Variants in MAP3K13 observed in about 807,000 individuals in gnomAD.
MAP3K13 encodes leucine zipper-bearing kinase.
MAP3K13 carries 52 observed loss-of-function variants against 104.0 expected under a neutral mutation model. The ratio of observed to expected loss-of-function variants is 0.50; its 90% CI spans 0.40 to 0.63. The LOEUF (loss-of-function observed/expected upper bound fraction) is 0.63, where lower values mean the gene tolerates loss of function less well. Ranked by LOEUF, MAP3K13 falls within the 20% of genes least tolerant of loss-of-function variation. MAP3K13 has a pLI of 0.00. For missense variants in MAP3K13, 914 were observed against 1,218.5 expected (o/e 0.75, Z 3.72); for synonymous variants, 394 against 442.2 (o/e 0.89, Z 1.37).
At chr3:185,340,736 G>A (rs928737182) in intron 2 of MAP3K13, among the ~76,000 whole-genome samples, 1 of 152,070 alleles carries the variant, frequency 6.6e-6, no homozygotes, top group Admixed American at 6.6e-5. Context: ...GTGATAGTGA[G>A]TAAGTCTCAC....
chr3:185,467,047 G>T (rs1717482491), intron 10 of MAP3K13, 84 bp downstream of exon 10: 6 of 1,511,286 alleles, frequency 4.0e-6, no homozygotes, highest in Non-Finnish European at 5.5e-6. Flanking sequence ...GGCGGATGTG[G>T]CCTCTTCTTT....
chr3:185,427,275 A>T (rs1714480426), intron 1 of MAP3K13, among the ~76,000 whole-genome samples: 1 of 151,706 alleles, frequency 6.6e-6, no homozygotes, highest in Non-Finnish European at 1.5e-5. Context: ...GTGGCAGGAG[A>T]ATTGCTTGAA....
chr3:185,349,452 C>T (rs1206644136), intron 2 of MAP3K13, among the ~76,000 whole-genome samples: 1 of 151,970 alleles, frequency 6.6e-6, no homozygotes, highest in African/African-American at 2.4e-5. Flanking sequence ...TGACTTCATT[C>T]TTTTTATGGG....
chr3:185,455,363 G>T lies in MAP3K13; in HGVS notation c.1278+3968G>T, dbSNP rs1295348083. Among the ~76,000 whole-genome samples the T allele has an allele frequency of 4.0e-4, 21 of 51,856 alleles. 2 individuals are homozygous for T. Among genetic ancestry groups the T allele is most frequent in the African/African-American group, 1.4e-3 (20 of 14,672 alleles). The allele number at this position is 51,856 out of a possible 152,430, so 34.0% of individuals were successfully genotyped here. ...TGAGATATATATGATATATATATGA[G>T]ATATATATGATATATATGATATATA... On this transcript the variant is annotated intron_variant, in intron 7 of 13. Coordinates refer to ENST00000265026, the MANE Select transcript of MAP3K13 (RefSeq NM_004721.5).
chr3:185,304,880 C>T (rs1438927279), intron 2 of MAP3K13, among the ~76,000 whole-genome samples: 1 of 152,156 alleles, frequency 6.6e-6, no homozygotes, highest in Non-Finnish European at 1.5e-5. Context: ...GATCCGCCCC[C>T]TTCGGCCTCC....
chr3:185,371,143 G>T (rs1416906061), intron 1 of MAP3K13, among the ~76,000 whole-genome samples: 1 of 151,538 alleles, frequency 6.6e-6, no homozygotes, highest in East Asian at 1.9e-4. Context: ...TTTTAAATTT[G>T]TAGATTTTGT....
At chr3:185,460,302 C>G (rs941868929) in intron 7 of MAP3K13, among the ~76,000 whole-genome samples, 2 of 152,136 alleles carry the variant, frequency 1.3e-5, no homozygotes, top group Admixed American at 6.6e-5. Flanking sequence ...TCTGTCTTTA[C>G]TTTTTATTTT....
intron 8 of MAP3K13, among the ~76,000 whole-genome samples, chr3:185,464,537 C>T (rs926297074): frequency 6.6e-6 from 1 of 152,120 alleles, no homozygotes; most frequent in East Asian, 1.9e-4. Flanking sequence ...TCCATCCTGC[C>T]GCCCTGTGAA....
chr3:185,395,243 C>A (rs1055251809), intron 1 of MAP3K13, among the ~76,000 whole-genome samples: 5 of 151,832 alleles, frequency 3.3e-5, no homozygotes, highest in Non-Finnish European at 7.4e-5. Flanking sequence ...ACCAAACTAC[C>A]ATTGCATGCT....
chr3:185,371,114 G>A (rs890819199), intron 1 of MAP3K13, among the ~76,000 whole-genome samples: 2 of 151,674 alleles, frequency 1.3e-5, no homozygotes, highest in Admixed American at 6.6e-5. Context: ...CCAATAACAA[G>A]TTGGTCGATA....
intron 1 of MAP3K13, among the ~76,000 whole-genome samples, chr3:185,393,152 G>A (rs1712169428): frequency 6.7e-6 from 1 of 149,962 alleles, no homozygotes; most frequent in African/African-American, 2.5e-5. Context: ...AAATGTAAGA[G>A]ATATTCAGAA....
intron 7 of MAP3K13, among the ~76,000 whole-genome samples, chr3:185,460,531 A>G (rs574427565): frequency 5.6e-4 from 86 of 152,290 alleles, no homozygotes; most frequent in African/African-American, 1.9e-3. Context: ...CTTCCTCGAT[A>G]GCTGTGCAAA....
rs542131643 is a variant in MAP3K13, at chr3:185,346,923, G to A, written c.-86+61280G>A. On this transcript the variant is annotated intron_variant, in intron 2 of 14. Transcript: ENST00000424227. ...CTTGATAATTTTTGAACTCACATTT[G>A]TTCAAATTAGTAAAAGTGCATTTTG... Among the ~76,000 whole-genome samples, 23 of 148,414 alleles carry A rather than the reference G, an allele frequency of 1.5e-4. No homozygotes were observed. In the South Asian group the frequency reaches 3.9e-3, roughly 25 times the overall value.
chr3:185,420,118 T>C lies in MAP3K13; in HGVS notation c.-85-8379T>C, dbSNP rs1232517376. On this transcript the variant is annotated intron_variant, in intron 1 of 13. Coordinates refer to ENST00000265026, the MANE Select transcript of MAP3K13 (RefSeq NM_004721.5). ...ATATAGGTACATGGTAAACATGGAA[T>C]CAATATTTTTGAATGCATAATTGTT... Among the ~76,000 whole-genome samples the C allele has an allele frequency of 6.6e-5, 10 of 152,340 alleles. No homozygotes were observed. The East Asian group carries it at 1.9e-3, about 29-fold the overall frequency.
intron 1 of MAP3K13, among the ~76,000 whole-genome samples, chr3:185,373,317 T>C (rs1724248030): frequency 6.6e-6 from 1 of 152,224 alleles, no homozygotes; most frequent in Admixed American, 6.5e-5. Context: ...TTCTCCTATT[T>C]TTGTATGTAA....
chr3:185,472,927 T>G (rs1717888610), intron 10 of MAP3K13, 48 bp from the exon 11 acceptor site: 1 of 1,542,986 alleles, frequency 6.5e-7, no homozygotes, highest in Admixed American at 1.8e-5. Flanking sequence ...TCCCCAAACT[T>G]GAATGTGTTT....
chr3:185,284,230 G>A (rs1179995054), intron 1 of MAP3K13, among the ~76,000 whole-genome samples: 1 of 151,952 alleles, frequency 6.6e-6, no homozygotes. Flanking sequence ...CTAAAAATAT[G>A]TTATAATTGA....
intron 3 of MAP3K13, among the ~76,000 whole-genome samples, chr3:185,443,150 C>T (rs781523467): frequency 2.6e-5 from 4 of 152,098 alleles, no homozygotes; most frequent in African/African-American, 4.8e-5. Flanking sequence ...GCACAAACTT[C>T]AGAAAAGTGT....
At chr3:185,398,648 C>T (rs1261362455) in intron 1 of MAP3K13, among the ~76,000 whole-genome samples, 1 of 152,218 alleles carries the variant, frequency 6.6e-6, no homozygotes, top group Non-Finnish European at 1.5e-5. Flanking sequence ...TACACCATTA[C>T]AGCCCCATAT....
Sources: gnomAD v4.1 joint callset for allele counts (sites outside exome capture counted in the v4.1 genomes callset) on GRCh38, gnomAD v4.1.1 for gene constraint, MANE v1.5 for transcripts, NCBI Gene and HGNC (gene_info 2026-07-23, HGNC 2026-07-21) for gene names.